CD63: variants seen among roughly 807,000 people sequenced by gnomAD.
CD63 encodes CD63 antigen.
CD63 carries 16 observed loss-of-function variants against 29.2 expected under a neutral mutation model. The ratio of observed to expected loss-of-function variants is 0.55; its 90% CI spans 0.37 to 0.83. The LOEUF (loss-of-function observed/expected upper bound fraction) is 0.83. Among genes scored for constraint, CD63 ranks in the 40% least tolerant of loss-of-function variants. The pLI, the probability that CD63 is intolerant of heterozygous loss-of-function variation, is 0.00. For synonymous variants in CD63, 118 were observed against 111.7 expected (o/e 1.06, Z -0.36); for missense variants, 251 against 297.3 (o/e 0.84, Z 1.15).
downstream of CD63, chr12:55,723,608 C>A (rs1437657347): frequency 2.9e-5 from 13 of 446,604 alleles, no homozygotes; most frequent in African/African-American, 2.6e-4. Context: ...CTGATAATAT[C>A]ATTAATTTTG....
intron 6 of CD63, 29 bp from the exon 7 acceptor site, chr12:55,725,925 G>A: frequency 1.2e-6 from 2 of 1,607,764 alleles, no homozygotes; most frequent in South Asian, 1.1e-5. Flanking sequence ...AAGGACAAAA[G>A]CACCATCAGA....
intron 5 of CD63, 73 bp downstream of exon 5, chr12:55,726,627 G>A: frequency 8.3e-7 from 1 of 1,211,198 alleles, no homozygotes; most frequent in Non-Finnish European, 1.2e-6. Flanking sequence ...TTACAGGCGT[G>A]AGTCACCACA....
intron 3 of CD63, 74 bp downstream of exon 3, chr12:55,727,077 C>G: frequency 2.6e-6 from 4 of 1,533,648 alleles, no homozygotes; most frequent in Non-Finnish European, 3.6e-6. Flanking sequence ...ACCCACCTCA[C>G]CCACCTTCCT....
Position 55,728,666 on chromosome 12 carries a change from C to T in CD63, c.-12+287G>A, listed in dbSNP as rs2136155754. 8.1e-7 allele frequency: 1 copy of T among 1,230,342 alleles called. No individual in the cohort carries two copies. Among genetic ancestry groups the T allele is most frequent in the Non-Finnish European group, 1.0e-6 (1 of 978,512 alleles). 76.2% of individuals were successfully genotyped at this position (1,230,342 alleles called of 1,614,324 possible). On this transcript the variant is annotated intron_variant, in intron 1 of 7. Transcript: ENST00000257857. The surrounding 1 kb of genome is among the most constrained non-coding windows in gnomAD (Gnocchi z 4.8). The stretch of plus-strand genomic sequence containing the variant: ...TCTCCGGGCGTCAAACACCCTTTCC[C>T]CACCCAACACCCAGCCTGGAGAAAC...
intron 2 of CD63, chr12:55,727,801 G>A (rs1440443996): frequency 1.9e-6 from 2 of 1,031,912 alleles, no homozygotes; most frequent in East Asian, 1.9e-4. Flanking sequence ...TAGACAAACA[G>A]TAGCCTCTCA....
At chr12:55,727,783 T>C (rs1592532747) in intron 2 of CD63, 1 of 1,031,356 alleles carries the variant, frequency 9.7e-7, no homozygotes, top group Non-Finnish European at 1.2e-6. Context: ...GAGTGATGTG[T>C]CCCTCCCTAG....
At chr12:55,724,247 G>A, downstream of CD63, 1 of 1,559,718 alleles carries the variant, frequency 6.4e-7, no homozygotes, top group Non-Finnish European at 8.8e-7. Context: ...ACAAGCCCAG[G>A]GCCCCAGAAG....
At chr12:55,724,354 A>T (rs1877094241), downstream of CD63, 2 of 1,614,054 alleles carry the variant, frequency 1.2e-6, no homozygotes, top group African/African-American at 2.7e-5. Context: ...CATGAACCTG[A>T]TCTGTGACCC....
chr12:55,728,424 G>A lies in CD63; in HGVS notation c.-11-72C>T. On this transcript the variant is annotated intron_variant, in intron 1 of 7. Transcript: ENST00000257857. The surrounding 1 kb of genome is among the most constrained non-coding windows in gnomAD (Gnocchi z 4.8). ...ACCTCGGTTTCCGGGCTCCCGGCCGGCCCTCGAGGGCTTCCCTTCACGGCC... is the reference window on the plus strand; with the variant it reads ...ACCTCGGTTTCCGGGCTCCCGGCCGACCCTCGAGGGCTTCCCTTCACGGCC... The A allele has an allele frequency of 6.5e-7, 1 of 1,543,874 alleles. No homozygotes were observed. Among genetic ancestry groups the A allele is most frequent in the African/African-American group, 1.4e-5 (1 of 73,438 alleles).
At position 55,728,629 on chromosome 12, in the gene CD63, T is replaced by C; in HGVS notation, c.-11-277A>G. 7.7e-7 allele frequency: 1 copy of C among 1,301,576 alleles called. No individual in the cohort carries two copies. Among genetic ancestry groups the C allele is most frequent in the South Asian group, 1.8e-5 (1 of 55,050 alleles). 80.6% of individuals were successfully genotyped at this position (1,301,576 alleles called of 1,614,324 possible). A position where few individuals can be genotyped will look rare whatever the true frequency, so the allele number is the denominator to read the frequency against. ...AGGGGCTTGAGCCTGACGCCGACCCTCGGCCCGCCAGTCTCCGGGCGTCAA... is the reference window on the plus strand; with the variant it reads ...AGGGGCTTGAGCCTGACGCCGACCCCCGGCCCGCCAGTCTCCGGGCGTCAA... On this transcript the variant is annotated intron_variant, in intron 1 of 7. Coordinates refer to ENST00000257857, the MANE Select transcript of CD63 (RefSeq NM_001780.6). This position sits in a 1 kb window ranked among gnomAD's most constrained non-coding sequence, Gnocchi z 4.8.
chr12:55,727,950 G>A (rs1877601811), intron 2 of CD63: 13 of 1,194,074 alleles, frequency 1.1e-5, no homozygotes, highest in Non-Finnish European at 1.4e-5. Context: ...AAGGGAGAGC[G>A]AAGGGAAGCC....
intron 2 of CD63, chr12:55,727,814 C>T (rs1328161145): frequency 2.9e-6 from 3 of 1,035,150 alleles, no homozygotes; most frequent in Non-Finnish European, 3.5e-6. Flanking sequence ...GCCTCTCAAG[C>T]CAGGAGCCCA....
intron 3 of CD63, 28 bp downstream of exon 3, chr12:55,727,123 G>A (rs777866992): frequency 1.1e-5 from 17 of 1,589,640 alleles, no homozygotes; most frequent in Admixed American, 1.0e-4. Flanking sequence ...GTCCCAGACC[G>A]CCCATGTTGG....
At chr12:55,726,081 TC>T (rs767002255) in intron 6 of CD63, 39 bp downstream of exon 6, 4 of 1,608,970 alleles carry the variant, frequency 2.5e-6, no homozygotes, top group Non-Finnish European at 2.6e-6. Context: ...CTAAAACATT[TC>T]CCAGGTTTCC....
At chr12:55,729,032 C>G (rs975280552), upstream of CD63, 10 of 985,454 alleles carry the variant, frequency 1.0e-5, no homozygotes, top group Non-Finnish European at 1.2e-5. Context: ...CGGCTCCCGC[C>G]CCGCCTGCCG....
rs886853280 is a variant in CD63, at chr12:55,728,637, C to G, written c.-11-285G>C. 1.9e-4 allele frequency: 241 copies of G among 1,297,432 alleles called. No homozygotes were observed. Among genetic ancestry groups the G allele is most frequent in the Non-Finnish European group, 2.4e-4 (241 of 1,019,080 alleles). 80.4% of individuals were successfully genotyped at this position (1,297,432 alleles called of 1,614,324 possible). On this transcript the variant is annotated intron_variant, in intron 1 of 7. Transcript: ENST00000257857. The surrounding 1 kb of genome is among the most constrained non-coding windows in gnomAD (Gnocchi z 4.8). ...GAGCCTGACGCCGACCCTCGGCCCG[C>G]CAGTCTCCGGGCGTCAAACACCCTT...
chr12:55,725,773 C>T, intron 7 of CD63, 40 bp downstream of exon 7: 1 of 1,600,620 alleles, frequency 6.2e-7, no homozygotes, highest in Non-Finnish European at 8.6e-7. Flanking sequence ...TCCAGGCACC[C>T]TGGACAGAGT....
At chr12:55,725,782 G>A (rs1565657372) in intron 7 of CD63, 31 bp downstream of exon 7, 4 of 1,604,294 alleles carry the variant, frequency 2.5e-6, no homozygotes, top group East Asian at 2.2e-5. Flanking sequence ...CCTGGACAGA[G>A]TCCCAGCCCC....
rs781426312 is a variant in CD63 at position 55,725,573 on chromosome 12, G to A, written c.705C>T (p.Tyr235=). The A allele has an allele frequency of 2.5e-5, 41 of 1,613,734 alleles. No homozygotes were observed. The South Asian group carries it at 3.5e-4, about 14-fold the overall frequency. The part of the protein sequence containing the change: ...CCLVKSIRSG[Y]EVM ...GGAGACCAGACCCCTACATCACCTC[G>A]TAGCCACTTCTGATACTCTTCACGA... Residue 235 remains tyrosine, a synonymous_variant, in exon 8 of 8, where the codon TAC becomes TAT. Transcript: ENST00000257857.
Sources: allele counts gnomAD v4.1 joint callset, GRCh38; gene constraint gnomAD v4.1.1; non-coding constraint Gnocchi (gnomAD v3.1); transcripts MANE v1.5; gene names NCBI Gene and HGNC (gene_info 2026-07-23, HGNC 2026-07-21).